SIGLEC5: variants seen among roughly 807,000 people sequenced by gnomAD.
SIGLEC5 encodes sialic acid-binding Ig-like lectin 5.
In SIGLEC5, 34 loss-of-function variants were observed where a neutral mutation model predicts 45.9. That is an observed-to-expected ratio of 0.74 (90% CI 0.56 to 0.99). The LOEUF is 0.99. Among genes scored for constraint, SIGLEC5 ranks in the 50% least tolerant of loss-of-function variants. The pLI, the probability that SIGLEC5 is intolerant of heterozygous loss-of-function variation, is 0.00. For missense variants in SIGLEC5, 508 were observed against 629.6 expected (o/e 0.81, Z 2.07); for synonymous variants, 203 against 258.6 (o/e 0.79, Z 2.06).
chr19:51,628,699 ATG>A (rs745512666), intron 4 of SIGLEC5, among the ~76,000 whole-genome samples: 32 of 135,422 alleles, frequency 2.4e-4, no homozygotes, highest in African/African-American at 8.8e-4. Flanking sequence ...TGTGTGGTGT[ATG>A]TGTGTGTGTG....
In SIGLEC5 at chr19:51,611,637, A is replaced by G. The variant is rs905982268; in HGVS notation, c.*594T>C. Among the ~76,000 whole-genome samples the G allele has an allele frequency of 6.6e-6, 1 of 152,192 alleles. No individual in the cohort carries two copies. The highest frequency in any genetic ancestry group is 2.4e-5 in the African/African-American group (1 of 41,444). On this transcript the variant is annotated 3_prime_UTR_variant, in exon 9 of 9. Coordinates refer to ENST00000683636, the MANE Select transcript of SIGLEC5 (RefSeq NM_003830.4). ...TTCCTATGGGTCTCATAAATGAAGG[A>G]CTGGAGCCAAAGGAATATGATGCAA...
Position 51,629,610 on chromosome 19 carries a change from A to G in SIGLEC5, c.448T>C (p.Phe150Leu). The G allele has an allele frequency of 3.5e-6, 5 of 1,438,294 alleles. No individual in the cohort carries two copies. The highest frequency in any genetic ancestry group is 3.8e-6 in the Non-Finnish European group (4 of 1,050,792). The allele number at this position is 1,438,294 out of a possible 1,614,324, so 89.1% of individuals were successfully genotyped here. A position where few individuals can be genotyped will look rare whatever the true frequency, so the allele number is the denominator to read the frequency against. The change falls in exon 3 of 9, where the codon TTT (phenylalanine) becomes CTT (leucine). Residue 150 changes from phenylalanine (F) to leucine (L), a missense_variant. Phe to Leu is a conservative substitution (Grantham distance 22, BLOSUM62 0). This residue lies in a region of SIGLEC5 where 77 missense variants were observed against 200.8 expected (regional missense o/e 0.38). Coordinates refer to ENST00000683636, the MANE Select transcript of SIGLEC5 (RefSeq NM_003830.4). ...TALIEKPDIH[F>L]LEPLESGRPT... is the part of the protein sequence containing the mutation. ...CGGCCGGACTCCAGAGGCTCCAGAA[A>G]GTGGATGTCGGGTTTCTCTATCAGG...
chr19:51,627,449 T>A lies in SIGLEC5; in HGVS notation c.1282+13A>T. 2.5e-6 allele frequency: 4 copies of A among 1,605,714 alleles called. No individual in the cohort carries two copies. The highest frequency in any genetic ancestry group is 1.3e-5 in the African/African-American group (1 of 74,850). ...CCCCTCAGGCCCCTGCCCTCTGCAA[T>A]ACGCCCCCTGACCTTGCAGCAGCAG... On this transcript the variant is annotated intron_variant, in intron 6 of 8. Coordinates refer to ENST00000683636, the MANE Select transcript of SIGLEC5 (RefSeq NM_003830.4).
chr19:51,620,561 A>G (rs1264549583), intron 8 of SIGLEC5, among the ~76,000 whole-genome samples: 2 of 152,344 alleles, frequency 1.3e-5, no homozygotes, highest in African/African-American at 4.8e-5. Context: ...AGTTTAGGAT[A>G]AAAACTTATT....
chr19:51,627,671 C>T lies in SIGLEC5; in HGVS notation c.1073G>A (p.Arg358Gln), dbSNP rs765883490. The change falls in exon 6 of 9, where the codon CGG (arginine) becomes CAG (glutamine). Residue 358 changes from arginine to glutamine, a missense_variant. Arg to Gln is a conservative substitution (Grantham distance 43). Around this residue, in one of 2 missense-constraint regions of SIGLEC5, gnomAD observed 431 missense variants for 428.8 expected, o/e 1.01. Coordinates refer to ENST00000683636, the MANE Select transcript of SIGLEC5 (RefSeq NM_003830.4). ...CCGCCAGCACAGGGAGGGGGCCGGC[C>T]GGGCTCGAAAGGAGCATCTGCAGTG... ...GLHCRCSFRA[R>Q]PAPSLCWRLE... 16 of 1,610,560 alleles carry T rather than the reference C, an allele frequency of 9.9e-6. No homozygotes were observed. Among genetic ancestry groups the T allele is most frequent in the South Asian group, 2.2e-5 (2 of 90,854 alleles).
rs1210361057 is a variant in SIGLEC5, at chr19:51,627,961, G to T, written c.870C>A (p.Ala290=). The T allele has an allele frequency of 1.2e-6, 2 of 1,613,932 alleles. No individual in the cohort carries two copies. The highest frequency in any genetic ancestry group is 1.7e-5 in the Admixed American group (1 of 59,976). ...AGATCCCGGTATTGGAGATGGGGGT[G>T]GCGTTCAGGGCAGGGGAGCCCTGGA... is the stretch of plus-strand genomic sequence containing the variant. ...SWFQGSPALN[A]TPISNTGILE... Residue 290 remains alanine, a synonymous_variant, in exon 5 of 9, where the codon GCC becomes GCA. Transcript: ENST00000683636.
chr19:51,618,844 A>G (rs1294041847), intron 8 of SIGLEC5, among the ~76,000 whole-genome samples: 1 of 150,528 alleles, frequency 6.6e-6, no homozygotes, highest in Non-Finnish European at 1.5e-5. Flanking sequence ...AAGAATTACT[A>G]TGTTTGATAA....
chr19:51,625,893 T>TTATCTCCCCC, intron 8 of SIGLEC5, 139 bp downstream of exon 8: 1 of 678,600 alleles, frequency 1.5e-6, no homozygotes. Flanking sequence ...ATTTCCTGGC[T>TTATCTCCCCC]CTGGGATATG....
At chr19:51,616,758 AAAATT>A in intron 8 of SIGLEC5, among the ~76,000 whole-genome samples, 1 of 152,140 alleles carries the variant, frequency 6.6e-6, no homozygotes, top group East Asian at 1.9e-4. Flanking sequence ...AAAAAATACA[AAAATT>A]AGCCAGGCGT....
rs1568593950 is a variant in SIGLEC5 at position 51,629,027 on chromosome 19, G to T, written c.739+11C>A. ...GGCAGGTCCCAGCTTCAGAGAGGAG[G>T]TCTTTCCTACCTATGCCGTTCCTGA... On this transcript the variant is annotated intron_variant, in intron 4 of 8. Transcript: ENST00000683636. 6.2e-7 allele frequency: 1 copy of T among 1,613,138 alleles called. No homozygotes were observed. The highest frequency in any genetic ancestry group is 8.5e-7 in the Non-Finnish European group (1 of 1,179,280).
At chr19:51,628,787 C>A in intron 4 of SIGLEC5, among the ~76,000 whole-genome samples, 1 of 141,944 alleles carries the variant, frequency 7.0e-6, no homozygotes, top group Non-Finnish European at 1.5e-5. Context: ...TGGTGTATTG[C>A]ATGTGTATGT....
rs539953785 is a variant in SIGLEC5, at chr19:51,617,265, A to T, written c.1465-4843T>A. On this transcript the variant is annotated intron_variant, in intron 8 of 8. Coordinates refer to ENST00000683636, the MANE Select transcript of SIGLEC5 (RefSeq NM_003830.4). ...GCAAGACTCCACCTTAAAAAAAAAA[A>T]AAAAGTAGAAAAGGAAAAATATTTG... is the stretch of plus-strand genomic sequence containing the variant. Among the ~76,000 whole-genome samples the T allele has an allele frequency of 2.5e-3, 380 of 151,976 alleles. 1 individual carries two copies. The highest frequency in any genetic ancestry group is 4.6e-3 in the Non-Finnish European group (312 of 67,974).
rs1983564799 is a variant in SIGLEC5, at chr19:51,627,969, G to A, written c.862C>T (p.Leu288=). ...HLSWFQGSPA[L]NATPISNTGI... ...GTATTGGAGATGGGGGTGGCGTTCA[G>A]GGCAGGGGAGCCCTGGAACCAGCTC... Residue 288 remains leucine (L), a synonymous_variant, in exon 5 of 9, where the codon CTG becomes TTG. Transcript: ENST00000683636. 1 of 1,613,954 alleles carries A rather than the reference G, an allele frequency of 6.2e-7. No individual in the cohort carries two copies. The highest frequency in any genetic ancestry group is 8.5e-7 in the Non-Finnish European group (1 of 1,179,912).
chr19:51,628,416 G>T (rs1983586471), intron 4 of SIGLEC5, among the ~76,000 whole-genome samples: 1 of 152,176 alleles, frequency 6.6e-6, no homozygotes, highest in Non-Finnish European at 1.5e-5. Context: ...TGCAGGAGTG[G>T]AAGGGTGAGA....
intron 8 of SIGLEC5, among the ~76,000 whole-genome samples, chr19:51,624,563 G>A (rs574972726): frequency 9.2e-5 from 14 of 152,074 alleles, no homozygotes; most frequent in Non-Finnish European, 1.2e-4. Flanking sequence ...CAATTCGTTC[G>A]GGGCAACACT....
At position 51,618,792 on chromosome 19, in the gene SIGLEC5, CAAAAAAAAAAA is replaced by C. The variant is rs398035001; in HGVS notation, c.1465-6381_1465-6371del. 1.0e-4 allele frequency among the ~76,000 whole-genome samples: 5 copies of C among 48,310 alleles called. No homozygotes were observed. The South Asian group carries it at 5.6e-3, about 54-fold the overall frequency. The allele number at this position is 48,310 out of a possible 152,430, so 31.7% of individuals were successfully genotyped here. On this transcript the variant is annotated intron_variant, in intron 8 of 8. Transcript: ENST00000683636. ...GGGTGACAGAGTGAGACTCTGTCTC[CAAAAAAAAAAA>C]AAAAAAAAAAAAAGCACCACTATGA...
rs1228799794 is a variant in SIGLEC5 at position 51,611,570 on chromosome 19, G to A, written c.*661C>T. 1.3e-5 allele frequency among the ~76,000 whole-genome samples: 2 copies of A among 152,192 alleles called. No individual in the cohort carries two copies. The highest frequency in any genetic ancestry group is 4.8e-5 in the African/African-American group (2 of 41,422). ...GGCCAGGGGGCCGTGAATGGGTTTG[G>A]GCAGGAAAGAGTTAGACTCAACTCT... On this transcript the variant is annotated 3_prime_UTR_variant, in exon 9 of 9. Coordinates refer to ENST00000683636, the MANE Select transcript of SIGLEC5 (RefSeq NM_003830.4).
chr19:51,627,956 G>T lies in SIGLEC5; in HGVS notation c.875C>A (p.Pro292His), dbSNP rs1401801442. The T allele has an allele frequency of 6.2e-7, 1 of 1,613,996 alleles. No homozygotes were observed. Among genetic ancestry groups the T allele is most frequent in the Non-Finnish European group, 8.5e-7 (1 of 1,180,000 alleles). ...CTCCAAGATCCCGGTATTGGAGATGGGGGTGGCGTTCAGGGCAGGGGAGCC... is the reference window on the plus strand; with the variant it reads ...CTCCAAGATCCCGGTATTGGAGATGTGGGTGGCGTTCAGGGCAGGGGAGCC... ...FQGSPALNATPISNTGILELR... is the reference protein window; with the variant it reads ...FQGSPALNATHISNTGILELR... Residue 292 changes from proline (P) to histidine (H), a missense_variant, in exon 5 of 9, where the codon CCC (proline) becomes CAC (histidine). This residue lies in a region of SIGLEC5 where 431 missense variants were observed against 428.8 expected (regional missense o/e 1.01). Coordinates refer to ENST00000683636, the MANE Select transcript of SIGLEC5 (RefSeq NM_003830.4).
At chr19:51,629,004 C>T in intron 4 of SIGLEC5, 34 bp downstream of exon 4, 2 of 1,602,892 alleles carry the variant, frequency 1.2e-6, no homozygotes, top group South Asian at 1.1e-5. Context: ...GACCCAGAGG[C>T]AGGTCCCAGC....
Sources: gnomAD v4.1 joint callset for allele counts (sites outside exome capture counted in the v4.1 genomes callset) on GRCh38, gnomAD v4.1.1 for gene constraint, gnomAD v4.1.1 regional missense constraint, MANE v1.5 for transcripts, NCBI Gene and HGNC (gene_info 2026-07-23, HGNC 2026-07-21) for gene names.